Variants in ZBTB46 observed in about 807,000 individuals in gnomAD.
ZBTB46 encodes zinc finger and BTB domain-containing protein 46.
Under a neutral mutation model 44.1 loss-of-function variants are expected in ZBTB46, and 8 were observed. That is an observed-to-expected ratio of 0.18 (90% CI 0.11 to 0.33). The LOEUF is 0.33. ZBTB46 is among the 10% of genes least tolerant of loss of function. ZBTB46 has a pLI of 1.00. For synonymous variants in ZBTB46, 409 were observed against 382.3 expected (o/e 1.07, Z -0.81); for missense variants, 651 against 847.7 (o/e 0.77, Z 2.88).
chr20:63,791,512 A>C (rs1298675658), intron 1 of ZBTB46, among the ~76,000 whole-genome samples: 1 of 151,764 alleles, frequency 6.6e-6, no homozygotes, highest in African/African-American at 2.4e-5. Flanking sequence ...AAAAAAAAAA[A>C]AAAAAAACTT....
chr20:63,804,511 G>A (rs1021761026), intron 1 of ZBTB46, among the ~76,000 whole-genome samples: 1 of 151,990 alleles, frequency 6.6e-6, no homozygotes, highest in African/African-American at 2.4e-5. Flanking sequence ...ATGCCACCTC[G>A]CTGCCTGACA....
chr20:63,833,486 G>C (rs894642824), upstream of ZBTB46, among the ~76,000 whole-genome samples: 1 of 152,226 alleles, frequency 6.6e-6, no homozygotes, highest in African/African-American at 2.4e-5. Context: ...AGCTACTCGG[G>C]AGGCTGAGGC....
upstream of ZBTB46, chr20:63,831,293 C>T (rs1176139756): frequency 3.4e-5 from 4 of 116,256 alleles, no homozygotes; most frequent in Admixed American, 2.4e-4. Context: ...ACCCCGCGGC[C>T]CCCGCCGCCC....
At chr20:63,815,547 AGGTG>A in intron 1 of ZBTB46, among the ~76,000 whole-genome samples, 1 of 100,566 alleles carries the variant, frequency 9.9e-6, no homozygotes, top group African/African-American at 4.6e-5. Flanking sequence ...CAGTGGGTGC[AGGTG>A]CAGTGGGTGC....
At chr20:63,815,393 G>A (rs2092743534) in intron 1 of ZBTB46, among the ~76,000 whole-genome samples, 1 of 150,470 alleles carries the variant, frequency 6.6e-6, no homozygotes, top group Admixed American at 6.6e-5. Context: ...TGCAGTGAGT[G>A]CAGGTGCAGT....
intron 2 of ZBTB46, among the ~76,000 whole-genome samples, chr20:63,786,897 G>C (rs554222973): frequency 6.6e-6 from 1 of 152,188 alleles, no homozygotes; most frequent in African/African-American, 2.4e-5. Context: ...CTCATGCCTC[G>C]GCCTCCCAAA....
At chr20:63,783,718 G>A (rs893549016) in intron 2 of ZBTB46, among the ~76,000 whole-genome samples, 1 of 152,204 alleles carries the variant, frequency 6.6e-6, no homozygotes, top group African/African-American at 2.4e-5. Context: ...CATCTCCCGA[G>A]CAGCTGTGGG....
chr20:63,786,097 G>T (rs1601465736), intron 2 of ZBTB46, among the ~76,000 whole-genome samples: 1 of 152,202 alleles, frequency 6.6e-6, no homozygotes, highest in Non-Finnish European at 1.5e-5. Context: ...ACTGGGAGGG[G>T]CCTCGCTGTG....
chr20:63,817,776 G>T (rs2092768461), intron 1 of ZBTB46, among the ~76,000 whole-genome samples: 1 of 152,028 alleles, frequency 6.6e-6, no homozygotes, highest in African/African-American at 2.4e-5. Context: ...ACCCGCAGGG[G>T]AGACTGTGTG....
Position 63,769,836 on chromosome 20 carries a change from G to A in ZBTB46, c.1222+5842C>T, listed in dbSNP as rs148658924. 6.7e-4 allele frequency among the ~76,000 whole-genome samples: 102 copies of A among 152,270 alleles called. 1 individual carries two copies. The South Asian group carries it at 0.011, about 16-fold the overall frequency. On this transcript the variant is annotated intron_variant, in intron 3 of 4. Coordinates refer to ENST00000245663, the MANE Select transcript of ZBTB46 (RefSeq NM_001369741.1). ...CGATTCATCCTTTAAATACCACAGG[G>A]AAACAGTCTTTAAACCACAACCAAA... is the stretch of plus-strand genomic sequence containing the variant.
Position 63,784,248 on chromosome 20 carries a change from G to A in ZBTB46, c.937+5573C>T, listed in dbSNP as rs538083597. 1.4e-4 allele frequency among the ~76,000 whole-genome samples: 21 copies of A among 152,320 alleles called. 1 individual carries two copies. The highest frequency in any genetic ancestry group is 5.8e-4 in the East Asian group (3 of 5,190). On this transcript the variant is annotated intron_variant, in intron 2 of 4. Coordinates refer to ENST00000245663, the MANE Select transcript of ZBTB46 (RefSeq NM_001369741.1). ...CCCTGAGACCCGCCGGAGGCAGGCC[G>A]GCCTGGTCCAAGAAGCAGCTCGAAG...
intron 2 of ZBTB46, among the ~76,000 whole-genome samples, chr20:63,789,127 CA>C (rs77975067): frequency 5.4e-4 from 75 of 137,922 alleles, no homozygotes; most frequent in South Asian, 6.9e-4. Flanking sequence ...GAGACTGTCT[CA>C]AAAAAAAAAA....
At chr20:63,799,117 A>G (rs1313952254) in intron 1 of ZBTB46, among the ~76,000 whole-genome samples, 1 of 150,926 alleles carries the variant, frequency 6.6e-6, no homozygotes, top group Non-Finnish European at 1.5e-5. Context: ...TGCAGCCTCC[A>G]CCTCCCGGGC....
intron 1 of ZBTB46, among the ~76,000 whole-genome samples, chr20:63,819,913 A>G (rs1217189518): frequency 6.6e-6 from 1 of 152,220 alleles, no homozygotes; most frequent in Non-Finnish European, 1.5e-5. Context: ...GAAGTACAGA[A>G]CAAGTCTACA....
chr20:63,826,002 C>T (rs892129169), intron 1 of ZBTB46, among the ~76,000 whole-genome samples: 2 of 152,226 alleles, frequency 1.3e-5, no homozygotes, highest in South Asian at 4.1e-4. Flanking sequence ...CTGTCAACAC[C>T]GGGAGTTCCT....
intron 3 of ZBTB46, among the ~76,000 whole-genome samples, chr20:63,774,301 G>A (rs559655386): frequency 5.3e-5 from 8 of 152,302 alleles, no homozygotes; most frequent in African/African-American, 1.7e-4. Flanking sequence ...ACACCAACGC[G>A]AAAATTCGAA....
intron 1 of ZBTB46, among the ~76,000 whole-genome samples, chr20:63,810,890 C>G (rs2146030930): frequency 6.6e-6 from 1 of 152,376 alleles, no homozygotes; most frequent in Non-Finnish European, 1.5e-5. Flanking sequence ...GTTTCTCTTT[C>G]CTCACTCCTA....
At chr20:63,774,649 C>T (rs991865750) in intron 3 of ZBTB46, among the ~76,000 whole-genome samples, 3 of 150,476 alleles carry the variant, frequency 2.0e-5, no homozygotes, top group Non-Finnish European at 2.9e-5. Context: ...CACATGAGCG[C>T]GAGACCAGAA....
At chr20:63,792,758 T>C (rs1223035364) in intron 1 of ZBTB46, among the ~76,000 whole-genome samples, 1 of 152,166 alleles carries the variant, frequency 6.6e-6, no homozygotes, top group Non-Finnish European at 1.5e-5. Context: ...CCTCAGATGA[T>C]CCACCCGCCT....
Sources: allele counts gnomAD v4.1 joint callset (sites outside exome capture counted in the v4.1 genomes callset), GRCh38; gene constraint gnomAD v4.1.1; transcripts MANE v1.5; gene names NCBI Gene and HGNC (gene_info 2026-07-23, HGNC 2026-07-21).